ZNF536: variants seen among roughly 807,000 people sequenced by gnomAD.
ZNF536 encodes zinc finger protein 536.
A neutral mutation model predicts 84.5 loss-of-function variants in ZNF536; 13 were observed. The ratio of observed to expected loss-of-function variants is 0.15; its 90% CI spans 0.10 to 0.24. The LOEUF is 0.24. ZNF536 is among the 10% of genes least tolerant of loss of function. The probability of loss-of-function intolerance (pLI) is 1.00; values close to 1 mark genes in which losing one functional copy is unlikely to be tolerated. For synonymous variants in ZNF536, 811 were observed against 742.5 expected (o/e 1.09, Z -1.50); for missense variants, 1,536 against 1,747.5 (o/e 0.88, Z 2.16).
At chr19:30,534,486 A>G (rs1322459230) in intron 2 of ZNF536, among the ~76,000 whole-genome samples, 2 of 152,232 alleles carry the variant, frequency 1.3e-5, no homozygotes, top group East Asian at 1.9e-4. Flanking sequence ...CAGTGAGTCC[A>G]TATTATAAAT....
intron 1 of ZNF536, among the ~76,000 whole-genome samples, chr19:30,681,682 A>G (rs1222111458): frequency 6.6e-6 from 1 of 152,210 alleles, no homozygotes; most frequent in Non-Finnish European, 1.5e-5. Flanking sequence ...CTAGGAAGCC[A>G]CGCTGCAGAC....
At position 30,442,544 on chromosome 19, in the gene ZNF536, A is replaced by G. The variant is rs115448195; in HGVS notation, c.-2-1017A>G. 5.2e-3 allele frequency among the ~76,000 whole-genome samples: 787 copies of G among 152,310 alleles called. 7 individuals carry two copies. The highest frequency in any genetic ancestry group is 0.018 in the African/African-American group (749 of 41,568). ...TCTATAAAAGACCTCTTTAAACCCA[A>G]TCAAAGTCCCTGCTTTGGATATCTT... On this transcript the variant is annotated intron_variant, in intron 1 of 4. Coordinates refer to ENST00000355537, the MANE Select transcript of ZNF536 (RefSeq NM_014717.3).
intron 1 of ZNF536, among the ~76,000 whole-genome samples, chr19:30,667,460 G>A (rs527710064): frequency 7.2e-4 from 110 of 152,214 alleles, no homozygotes; most frequent in African/African-American, 2.5e-3. Context: ...CCATCCGGGA[G>A]GCCTCCCCCA....
At chr19:30,648,548 G>T (rs192374256) in intron 1 of ZNF536, among the ~76,000 whole-genome samples, 1 of 152,068 alleles carries the variant, frequency 6.6e-6, no homozygotes, top group Non-Finnish European at 1.5e-5. Context: ...CAACTTCCCC[G>T]GATCAAGTGG....
chr19:30,241,612 A>G (rs895948309), intron 1 of ZNF536, among the ~76,000 whole-genome samples: 1 of 152,156 alleles, frequency 6.6e-6, no homozygotes, highest in Non-Finnish European at 1.5e-5. Context: ...CTGGAGTAAA[A>G]AAGGGATGGA....
intron 2 of ZNF536, among the ~76,000 whole-genome samples, chr19:30,295,081 T>C (rs2045955722): frequency 6.6e-6 from 1 of 151,804 alleles, no homozygotes; most frequent in Non-Finnish European, 1.5e-5. Context: ...GCCCTGGGGG[T>C]CTTGGTAGCA....
chr19:30,673,399 A>G (rs186979417), intron 1 of ZNF536, among the ~76,000 whole-genome samples: 184 of 152,208 alleles, frequency 1.2e-3, no homozygotes, highest in African/African-American at 2.7e-3. Flanking sequence ...CCTGGGGGAA[A>G]TCTTCATTGC....
At chr19:30,383,301 A>G (rs545985336) in intron 1 of ZNF536, among the ~76,000 whole-genome samples, 18 of 106,154 alleles carry the variant, frequency 1.7e-4, no homozygotes, top group African/African-American at 4.7e-4. Flanking sequence ...AAAACAAAGA[A>G]ACAAACAAAC....
At chr19:30,436,508 T>C in intron 1 of ZNF536, 1 of 985,100 alleles carries the variant, frequency 1.0e-6, no homozygotes, top group Non-Finnish European at 1.2e-6. Flanking sequence ...CATAGCAAGC[T>C]CTAGGCCAAA....
chr19:30,677,553 C>A (rs559601323), intron 1 of ZNF536, among the ~76,000 whole-genome samples: 3 of 152,338 alleles, frequency 2.0e-5, no homozygotes, highest in Admixed American at 6.5e-5. Context: ...GGCCCTCAGG[C>A]CCAGAGCAAA....
rs79857687 is a variant in ZNF536, at chr19:30,691,170, C to A, written c.170-19587C>A. On this transcript the variant is annotated intron_variant, in intron 1 of 1. Transcript: ENST00000592773. ...TTCAAAAGCAAATCAGACCGCTGAC[C>A]AGCTGGCTGAGCCGGCAGAGTTGAG... 4.8e-3 allele frequency among the ~76,000 whole-genome samples: 726 copies of A among 152,230 alleles called. 9 individuals carry two copies. The highest frequency in any genetic ancestry group is 0.017 in the African/African-American group (692 of 41,534).
chr19:30,269,711 C>G (rs1481609084), intron 1 of ZNF536, among the ~76,000 whole-genome samples: 2 of 152,160 alleles, frequency 1.3e-5, no homozygotes, highest in African/African-American at 2.4e-5. Flanking sequence ...TGTGTTCATG[C>G]CTGTGTAAAT....
chr19:30,364,097 G>A (rs1023616415), intron 3 of ZNF536, among the ~76,000 whole-genome samples: 10 of 152,166 alleles, frequency 6.6e-5, no homozygotes, highest in Non-Finnish European at 1.5e-5. Context: ...GCGTGGAGGT[G>A]TAGGCTGGAG....
intron 2 of ZNF536, among the ~76,000 whole-genome samples, chr19:30,297,455 CA>C (rs2046035487): frequency 1.3e-5 from 2 of 152,114 alleles, no homozygotes; most frequent in Admixed American, 6.5e-5. Flanking sequence ...TTAAAAAGAA[CA>C]TTCAATTCAG....
At chr19:30,294,237 G>A (rs747722062) in intron 2 of ZNF536, among the ~76,000 whole-genome samples, 20 of 152,176 alleles carry the variant, frequency 1.3e-4, no homozygotes, top group Middle Eastern at 3.2e-3. Flanking sequence ...GTAGAGGCAC[G>A]TGTATTTGCT....
intron 2 of ZNF536, among the ~76,000 whole-genome samples, chr19:30,507,810 A>G (rs1372832583): frequency 6.6e-6 from 1 of 152,224 alleles, no homozygotes; most frequent in Non-Finnish European, 1.5e-5. Flanking sequence ...AGGCACAAAT[A>G]AGAGACAATC....
In ZNF536 at chr19:30,444,491, C is replaced by T. The variant is rs2148185925; in HGVS notation, c.929C>T (p.Ser310Leu). The stretch of plus-strand genomic sequence containing the variant: ...TGCACGTTGTGCGACTTCGCGGCTT[C>T]GCAGGAGGAGGAGCTCATCAGCCAC... ...YKCTLCDFAA[S>L]QEEELISHVE... is the part of the protein sequence containing the mutation. The change falls in exon 2 of 5, where the codon TCG becomes TTG. Residue 310 changes from serine to leucine, a missense_variant. Around this residue, in one of 8 missense-constraint regions of ZNF536, gnomAD observed 61 missense variants for 104.0 expected, o/e 0.59. Coordinates refer to ENST00000355537, the MANE Select transcript of ZNF536 (RefSeq NM_014717.3). 1.2e-6 allele frequency: 2 copies of T among 1,611,516 alleles called. No individual in the cohort carries two copies. Among genetic ancestry groups the T allele is most frequent in the Non-Finnish European group, 8.5e-7 (1 of 1,179,764 alleles).
chr19:30,660,392 T>A (rs904277501), intron 1 of ZNF536, among the ~76,000 whole-genome samples: 1 of 152,200 alleles, frequency 6.6e-6, no homozygotes, highest in African/African-American at 2.4e-5. Context: ...ACACCCCTGG[T>A]TCTACATGGA....
intron 1 of ZNF536, among the ~76,000 whole-genome samples, chr19:30,702,240 G>T (rs2052015527): frequency 6.6e-6 from 1 of 152,188 alleles, no homozygotes; most frequent in Non-Finnish European, 1.5e-5. Context: ...AACAATGTAC[G>T]ACTTGCTTTC....
Sources: gnomAD v4.1 joint callset for allele counts (sites outside exome capture counted in the v4.1 genomes callset) on GRCh38, gnomAD v4.1.1 for gene constraint, gnomAD v4.1.1 regional missense constraint, MANE v1.5 for transcripts, NCBI Gene and HGNC (gene_info 2026-07-23, HGNC 2026-07-21) for gene names.